MAP4K4: variants seen among roughly 807,000 people sequenced by gnomAD.
MAP4K4 encodes the protein HPK/GCK-like kinase HGK.
Under a neutral mutation model 189.6 loss-of-function variants are expected in MAP4K4, and 38 were observed. The ratio of observed to expected loss-of-function variants is 0.20; its 90% confidence interval spans 0.15 to 0.26. MAP4K4 has a LOEUF of 0.26. Among genes scored for constraint, MAP4K4 ranks in the 10% least tolerant of loss-of-function variants. The probability of loss-of-function intolerance (pLI) is 1.00; values close to 1 mark genes in which losing one functional copy is unlikely to be tolerated. For missense variants in MAP4K4, 1,054 were observed against 1,726.9 expected, an observed-to-expected ratio of 0.61 and a Z score of 6.91; for synonymous variants, 610 against 624.3, an observed-to-expected ratio of 0.98 and a Z score of 0.34.
intron 16 of MAP4K4, chr2:101,862,223 A>AGAGT (rs1257729827): frequency 2.8e-5 from 4 of 141,724 alleles, no homozygotes; most frequent in African/African-American, 5.4e-5. Flanking sequence ...CCTGAGTGAC[A>AGAGT]GAGTGAGACT....
intron 12 of MAP4K4, 111 bp from the exon 13 acceptor site, chr2:101,855,866 A>G (rs375897710): frequency 9.4e-6 from 10 of 1,059,872 alleles, no homozygotes; most frequent in Non-Finnish European, 1.3e-5. Flanking sequence ...TATGGGGCCC[A>G]TGAACCTCAC....
intron 3 of MAP4K4, among the ~76,000 whole-genome samples, chr2:101,806,253 G>T (rs1412764769): frequency 6.6e-6 from 1 of 152,096 alleles, no homozygotes; most frequent in Non-Finnish European, 1.5e-5. Context: ...TAGTTAGGTG[G>T]TATTTCCTGG....
intron 3 of MAP4K4, among the ~76,000 whole-genome samples, chr2:101,803,026 TC>T (rs1237580227): frequency 1.3e-5 from 2 of 152,202 alleles, no homozygotes; most frequent in Non-Finnish European, 2.9e-5. Flanking sequence ...CCTCAGGTGA[TC>T]CGCCCACCTC....
rs114293451 is a variant in MAP4K4 at position 101,864,478 on chromosome 2, G to A, written c.2097+427G>A. 7.2e-3 allele frequency among the ~76,000 whole-genome samples: 1,100 copies of A among 152,210 alleles called. 14 individuals carry two copies. The highest frequency in any genetic ancestry group is 0.025 in the African/African-American group (1,050 of 41,514). The stretch of plus-strand genomic sequence containing the variant: ...GTTTTGTTTTTGTGTTTACATAATA[G>A]TGAAATTAAACAAAGGAGCCCATGT... On this transcript the variant is annotated intron_variant, in intron 17 of 32. Transcript: ENST00000324219.
At chr2:101,866,164 C>T (rs1449927454) in intron 18 of MAP4K4, among the ~76,000 whole-genome samples, 1 of 152,178 alleles carries the variant, frequency 6.6e-6, no homozygotes, top group Non-Finnish European at 1.5e-5. Flanking sequence ...CTACACTGAA[C>T]AGTAGCATTG....
chr2:101,829,429 T>C, intron 5 of MAP4K4, 75 bp from the exon 6 acceptor site: 2 of 968,304 alleles, frequency 2.1e-6, no homozygotes, highest in Admixed American at 2.0e-5. Context: ...GTGCACTTTC[T>C]TATAAAAGGT....
chr2:101,791,034 C>T (rs767989130), intron 3 of MAP4K4, among the ~76,000 whole-genome samples: 27 of 152,048 alleles, frequency 1.8e-4, no homozygotes, highest in Admixed American at 4.6e-4. Context: ...TCCTTGGCAA[C>T]GTAATGGGAC....
chr2:101,729,084 G>C, intron 2 of MAP4K4, among the ~76,000 whole-genome samples: 1 of 118,072 alleles, frequency 8.5e-6, no homozygotes, highest in Non-Finnish European at 1.8e-5. Context: ...AGAGGAGAGA[G>C]AGAGAGAGAG....
At chr2:101,837,593 G>A (rs1265076238) in intron 9 of MAP4K4, among the ~76,000 whole-genome samples, 1 of 152,092 alleles carries the variant, frequency 6.6e-6, no homozygotes, top group African/African-American at 2.4e-5. Context: ...CCACGCCTAG[G>A]GAAACCATCA....
At chr2:101,745,969 C>T in intron 2 of MAP4K4, among the ~76,000 whole-genome samples, 1 of 107,018 alleles carries the variant, frequency 9.3e-6, no homozygotes, top group Admixed American at 1.1e-4. Flanking sequence ...AATCCTGTTT[C>T]CTTTGTGTGT....
At chr2:101,870,260 T>TTAAG (rs2097946692) in intron 22 of MAP4K4, 35 bp from the exon 23 acceptor site, 3 of 1,606,862 alleles carry the variant, frequency 1.9e-6, no homozygotes, top group Non-Finnish European at 2.6e-6. Flanking sequence ...ACTCCAGAGA[T>TTAAG]TAAGGCCTTT....
At chr2:101,710,968 G>A (rs1020587135) in intron 2 of MAP4K4, among the ~76,000 whole-genome samples, 4 of 152,176 alleles carry the variant, frequency 2.6e-5, no homozygotes, top group African/African-American at 9.7e-5. Flanking sequence ...TGCACTGTTT[G>A]GTGCTCCTTG....
At chr2:101,880,874 C>T (rs556465976) in intron 27 of MAP4K4, among the ~76,000 whole-genome samples, 1 of 152,288 alleles carries the variant, frequency 6.6e-6, no homozygotes, top group Middle Eastern at 3.4e-3. Context: ...CTAATAACCA[C>T]ACTGTTTTGA....
intron 2 of MAP4K4, among the ~76,000 whole-genome samples, chr2:101,772,382 G>T (rs1201810918): frequency 6.6e-6 from 1 of 152,226 alleles, no homozygotes; most frequent in Non-Finnish European, 1.5e-5. Flanking sequence ...TTTAGTGAAT[G>T]TTGCAAACAA....
rs780209662 is a variant in MAP4K4 at position 101,698,147 on chromosome 2, C to A, written c.57+10C>A. On this transcript the variant is annotated intron_variant, in intron 1 of 32. Transcript: ENST00000324219. ...CCTCTCCTCCCTGCGGGTGAGTGGG[C>A]CCGCGAGCGGGCGCGCGGGGAGCGG... The A allele has an allele frequency of 5.0e-5, 60 of 1,208,450 alleles. No homozygotes were observed. The highest frequency in any genetic ancestry group is 6.4e-5 in the Non-Finnish European group (60 of 936,606). The allele number at this position is 1,208,450 out of a possible 1,614,324, so 74.9% of individuals were successfully genotyped here.
chr2:101,719,471 T>G (rs2050417241), intron 2 of MAP4K4, among the ~76,000 whole-genome samples: 1 of 152,026 alleles, frequency 6.6e-6, no homozygotes, highest in Non-Finnish European at 1.5e-5. Context: ...GACAACCATT[T>G]TGGTGTTTTG....
intron 17 of MAP4K4, 78 bp downstream of exon 17, chr2:101,864,129 TG>T (rs1290753541): frequency 1.2e-6 from 1 of 826,852 alleles, no homozygotes; most frequent in Non-Finnish European, 1.7e-6. Context: ...ATTTTAATTA[TG>T]GGTATGCAAC....
intron 27 of MAP4K4, among the ~76,000 whole-genome samples, chr2:101,881,343 C>T (rs983096852): frequency 1.3e-5 from 2 of 152,062 alleles, no homozygotes; most frequent in African/African-American, 4.8e-5. Flanking sequence ...TATCCTGCAA[C>T]CTTGCTATAA....
intron 3 of MAP4K4, among the ~76,000 whole-genome samples, chr2:101,801,602 A>G (rs2094379882): frequency 6.6e-6 from 1 of 152,224 alleles, no homozygotes; most frequent in African/African-American, 2.4e-5. Context: ...CATTCTAGGT[A>G]CAGTGAGCCA....
Sources: allele counts gnomAD v4.1 joint callset (sites outside exome capture counted in the v4.1 genomes callset), GRCh38; gene constraint gnomAD v4.1.1; transcripts MANE v1.5; gene names NCBI Gene and HGNC (gene_info 2026-07-23, HGNC 2026-07-21).